The following ZFHX3 variants were observed in gnomAD, a reference collection of about 807,000 sequenced individuals.
ZFHX3 encodes zinc finger homeobox 3.
Under a neutral mutation model 279.1 loss-of-function variants are expected in ZFHX3, and 42 were observed. The ratio of observed to expected loss-of-function variants is 0.15; its 90% CI spans 0.12 to 0.19. The LOEUF (loss-of-function observed/expected upper bound fraction) is 0.19, where lower values mean the gene tolerates loss of function less well. Among genes scored for constraint, ZFHX3 ranks in the 10% least tolerant of loss-of-function variants. The probability of loss-of-function intolerance (pLI) is 1.00; values close to 1 mark genes in which losing one functional copy is unlikely to be tolerated. For missense variants in ZFHX3, 4,981 were observed against 4,754.0 expected, an observed-to-expected ratio of 1.05 and a Z score of -1.40; for synonymous variants, 2,293 against 1,957.8, an observed-to-expected ratio of 1.17 and a Z score of -4.52.
At chr16:72,846,956 T>G (rs2037497129) in intron 4 of ZFHX3, among the ~76,000 whole-genome samples, 1 of 152,150 alleles carries the variant, frequency 6.6e-6, no homozygotes, top group Non-Finnish European at 1.5e-5. Flanking sequence ...CTGACCATCG[T>G]GCTCTGAAGC....
intron 4 of ZFHX3, among the ~76,000 whole-genome samples, chr16:72,857,447 G>C (rs2037780983): frequency 6.6e-6 from 1 of 152,226 alleles, no homozygotes; most frequent in South Asian, 2.1e-4. Context: ...AGCCCTTTGG[G>C]AGGCTGAGGC....
intron 1 of ZFHX3, among the ~76,000 whole-genome samples, chr16:72,975,324 C>A (rs1386110082): frequency 6.6e-6 from 1 of 152,154 alleles, no homozygotes; most frequent in Non-Finnish European, 1.5e-5. Context: ...CGCCTGTGAT[C>A]CCAGCTAACT....
At chr16:73,764,344 A>G (rs1268677625) in intron 1 of ZFHX3, among the ~76,000 whole-genome samples, 1 of 152,112 alleles carries the variant, frequency 6.6e-6, no homozygotes, top group African/African-American at 2.4e-5. Context: ...AATCTTTTTT[A>G]TATAAAATTA....
At chr16:72,887,560 G>C (rs1398714512) in intron 4 of ZFHX3, among the ~76,000 whole-genome samples, 1 of 151,732 alleles carries the variant, frequency 6.6e-6, no homozygotes, top group Non-Finnish European at 1.5e-5. Flanking sequence ...TGTGTGGGGG[G>C]TGCAGGAGTG....
At chr16:73,437,929 C>T (rs796306290) in intron 3 of ZFHX3, among the ~76,000 whole-genome samples, 12 of 152,320 alleles carry the variant, frequency 7.9e-5, no homozygotes, top group African/African-American at 2.9e-4. Context: ...CATCATGCTA[C>T]TTTCTGAAGC....
intron 2 of ZFHX3, among the ~76,000 whole-genome samples, chr16:73,601,468 T>TG (rs757036851): frequency 0.022 from 1,290 of 57,462 alleles, 22 homozygotes; most frequent in African/African-American, 0.039. Context: ...AGACTCCATC[T>TG]CAAAAAAAAA....
intron 6 of ZFHX3, among the ~76,000 whole-genome samples, chr16:73,142,946 C>T (rs1597179400): frequency 6.6e-6 from 1 of 152,340 alleles, no homozygotes; most frequent in East Asian, 1.9e-4. Flanking sequence ...TCCTAATCCC[C>T]AGGCTTCCAT....
rs116322822 is a variant in ZFHX3 at position 73,726,395 on chromosome 16, A to G, written c.-1607-46155T>C. ...AGGATGGACTAGAAGGAGGTTTTCAATCTCAGCAATATGGCATTTTGGGCC... is the reference window on the plus strand; with the variant it reads ...AGGATGGACTAGAAGGAGGTTTTCAGTCTCAGCAATATGGCATTTTGGGCC... On this transcript the variant is annotated intron_variant, in intron 1 of 17. Transcript: ENST00000641206. 4.0e-3 allele frequency among the ~76,000 whole-genome samples: 609 copies of G among 152,284 alleles called. 3 individuals are homozygous for G. Among genetic ancestry groups the G allele is most frequent in the African/African-American group, 0.014 (563 of 41,560 alleles).
At chr16:72,903,410 G>A (rs1227926312) in intron 3 of ZFHX3, among the ~76,000 whole-genome samples, 1 of 152,196 alleles carries the variant, frequency 6.6e-6, no homozygotes, top group African/African-American at 2.4e-5. Flanking sequence ...TCTGAGGCAA[G>A]CTCACTTGGT....
rs377046710 is a variant in ZFHX3 at position 73,406,899 on chromosome 16, A to T, written c.-1291+49104T>A. ...GGGCTGGTTTATATTATCTGGCGAC[A>T]TTCCCATTTTTAAATATGGCACTGA... On this transcript the variant is annotated intron_variant, in intron 3 of 17. Coordinates refer to the ZFHX3 transcript ENST00000641206. Among the ~76,000 whole-genome samples the T allele has an allele frequency of 4.7e-4, 72 of 152,340 alleles. No individual in the cohort carries two copies. The South Asian group carries it at 0.015, about 31-fold the overall frequency.
chr16:73,341,342 AAAT>A lies in ZFHX3; in HGVS notation c.-1290-23009_-1290-23007del, dbSNP rs558161072. 1.7e-3 allele frequency among the ~76,000 whole-genome samples: 258 copies of A among 152,298 alleles called. 2 individuals carry two copies. The highest frequency in any genetic ancestry group is 5.6e-3 in the African/African-American group (232 of 41,556). On this transcript the variant is annotated intron_variant, in intron 3 of 17. Coordinates refer to the ZFHX3 transcript ENST00000641206. The stretch of plus-strand genomic sequence containing the variant: ...CGTGACAGAGCAAGACTCCATCTCA[AAAT>A]AATAATAATAACAATAGAGAGGAAA...
At chr16:73,645,349 C>T (rs1433118424) in intron 2 of ZFHX3, among the ~76,000 whole-genome samples, 2 of 152,132 alleles carry the variant, frequency 1.3e-5, no homozygotes, top group African/African-American at 2.4e-5. Context: ...CTCCACCACC[C>T]GGGTTCATGC....
intron 5 of ZFHX3, among the ~76,000 whole-genome samples, chr16:73,217,966 T>A (rs999331150): frequency 1.3e-5 from 2 of 152,322 alleles, no homozygotes; most frequent in East Asian, 3.9e-4. Context: ...TTATTAGGGA[T>A]TGATATGGTC....
intron 1 of ZFHX3, among the ~76,000 whole-genome samples, chr16:73,807,122 G>A (rs563485927): frequency 4.4e-4 from 67 of 152,190 alleles, no homozygotes; most frequent in Non-Finnish European, 8.8e-4. Flanking sequence ...ACATCCAGCT[G>A]GAGCACCCGA....
At chr16:73,328,862 T>C (rs973380902) in intron 3 of ZFHX3, among the ~76,000 whole-genome samples, 1 of 152,238 alleles carries the variant, frequency 6.6e-6, no homozygotes, top group Non-Finnish European at 1.5e-5. Context: ...AGATACTTCA[T>C]CTTTCTGATC....
At chr16:72,913,390 G>A (rs988823862) in intron 3 of ZFHX3, among the ~76,000 whole-genome samples, 4 of 152,178 alleles carry the variant, frequency 2.6e-5, no homozygotes, top group African/African-American at 9.7e-5. Context: ...GGGCGCTTCT[G>A]ACAGGGGCAG....
chr16:73,549,143 C>T (rs2020167022), intron 2 of ZFHX3, among the ~76,000 whole-genome samples: 2 of 152,138 alleles, frequency 1.3e-5, no homozygotes, highest in South Asian at 4.1e-4. Context: ...ATATTCACCT[C>T]TTAGGTGAGG....
intron 4 of ZFHX3, among the ~76,000 whole-genome samples, chr16:72,838,134 C>T (rs1306740162): frequency 6.6e-6 from 1 of 151,302 alleles, no homozygotes; most frequent in South Asian, 2.1e-4. Context: ...CACCCTGACC[C>T]CGTTCCTGTC....
chr16:73,608,686 CA>C (rs2052215850), intron 2 of ZFHX3: 1 of 152,130 alleles, frequency 6.6e-6, no homozygotes, highest in Non-Finnish European at 1.5e-5. Context: ...TGACTAAATC[CA>C]TGGCAATTAC....
Sources: gnomAD v4.1 joint callset for allele counts (sites outside exome capture counted in the v4.1 genomes callset) on GRCh38, gnomAD v4.1.1 for gene constraint, MANE v1.5 for transcripts, NCBI Gene and HGNC (gene_info 2026-07-23, HGNC 2026-07-21) for gene names.